The following CACNA1B variants were observed in gnomAD, a reference collection of about 807,000 sequenced individuals.
CACNA1B encodes the protein calcium voltage-gated channel subunit alpha1 B, also known as voltage-dependent N-type calcium channel subunit alpha-1B.
In CACNA1B, 70 loss-of-function variants were observed where a neutral mutation model predicts 247.2. The ratio of observed to expected loss-of-function variants is 0.28; its 90% CI spans 0.23 to 0.35. The LOEUF (loss-of-function observed/expected upper bound fraction) is 0.35, where lower values mean the gene tolerates loss of function less well. Ranked by LOEUF, CACNA1B falls within the 10% of genes least tolerant of loss-of-function variation. The probability of loss-of-function intolerance (pLI) is 1.00; values close to 1 mark genes in which losing one functional copy is unlikely to be tolerated. For synonymous variants in CACNA1B, 1,231 were observed against 1,294.4 expected (o/e 0.95, Z 1.05); for missense variants, 2,367 against 3,197.4 (o/e 0.74, Z 6.26).
intron 39 of CACNA1B, among the ~76,000 whole-genome samples, chr9:138,107,064 A>G (rs1961452174): frequency 6.6e-6 from 1 of 151,928 alleles, no homozygotes; most frequent in Admixed American, 6.6e-5. Context: ...GTGCCATGGA[A>G]TGTTCTCTCT....
chr9:137,903,574 A>G (rs12552643), intron 3 of CACNA1B, among the ~76,000 whole-genome samples: 15,068 of 152,072 alleles, frequency 0.099, 929 homozygotes, highest in Non-Finnish European at 0.14. Context: ...CGTTTTGCCT[A>G]CTTAGTTTTC....
chr9:137,886,499 ATCAT>A (rs1176218318), intron 3 of CACNA1B, among the ~76,000 whole-genome samples: 6 of 151,058 alleles, frequency 4.0e-5, no homozygotes, highest in Admixed American at 6.6e-5. Flanking sequence ...CCACCTGTTC[ATCAT>A]TCATTCATTC....
At position 137,950,998 on chromosome 9, in the gene CACNA1B, T is replaced by C. The variant is rs1957871496; in HGVS notation, c.967-1276T>C. Among the ~76,000 whole-genome samples, 1 of 152,146 alleles carries C rather than the reference T, an allele frequency of 6.6e-6. No individual in the cohort carries two copies. Among genetic ancestry groups the C allele is most frequent in the South Asian group, 2.1e-4 (1 of 4,820 alleles). Reference sequence around the variant, plus strand: ...GGAACACTCCACTGGGGAGGGAAATTGCGGGAGCCAAGTGCTTGAGCAGGT... The same window carrying C: ...GGAACACTCCACTGGGGAGGGAAATCGCGGGAGCCAAGTGCTTGAGCAGGT... On this transcript the variant is annotated intron_variant, in intron 6 of 46. Transcript: ENST00000371372. The surrounding 1 kb of genome is among the most constrained non-coding windows in gnomAD (Gnocchi z 4.8).
At position 137,882,968 on chromosome 9, in the gene CACNA1B, A is replaced by G. The variant is rs1956949189; in HGVS notation, c.530+85A>G. ...CTCAGTTGCGCCGTGGAGCTGGGGC[A>G]GCTGCAGTCCCCTCACTGGGGTCCC... is the stretch of plus-strand genomic sequence containing the variant. On this transcript the variant is annotated intron_variant, in intron 3 of 46. Transcript: ENST00000371372. This position sits in a 1 kb window ranked among gnomAD's most constrained non-coding sequence, Gnocchi z 4.0. 2.1e-6 allele frequency: 3 copies of G among 1,454,618 alleles called. No individual in the cohort carries two copies. Among genetic ancestry groups the G allele is most frequent in the South Asian group, 1.2e-5 (1 of 86,094 alleles). 90.1% of individuals were successfully genotyped at this position (1,454,618 alleles called of 1,614,324 possible).
intron 39 of CACNA1B, among the ~76,000 whole-genome samples, chr9:138,106,305 A>G (rs1351313133): frequency 6.6e-6 from 1 of 152,020 alleles, no homozygotes; most frequent in Non-Finnish European, 1.5e-5. Context: ...TTACAGCCCC[A>G]GAGGGCCCTG....
At chr9:137,942,967 A>AT (rs1377518875) in intron 6 of CACNA1B, among the ~76,000 whole-genome samples, 4 of 151,814 alleles carry the variant, frequency 2.6e-5, no homozygotes, top group African/African-American at 9.7e-5. Context: ...TATGGAAATA[A>AT]ATTTTTTTTT....
intron 36 of CACNA1B, among the ~76,000 whole-genome samples, chr9:138,082,567 A>G (rs1233650817): frequency 6.6e-6 from 1 of 151,404 alleles, no homozygotes; most frequent in East Asian, 2.0e-4. Context: ...AAGTCTGTTT[A>G]CACTTCCATT....
intron 10 of CACNA1B, among the ~76,000 whole-genome samples, chr9:137,968,062 A>C (rs1490916210): frequency 1.3e-5 from 2 of 151,662 alleles, no homozygotes; most frequent in African/African-American, 4.9e-5. Flanking sequence ...TCTCTCTTTT[A>C]GTTTTGTTTT....
intron 39 of CACNA1B, among the ~76,000 whole-genome samples, chr9:138,109,775 A>G (rs72770903): frequency 1.3e-3 from 199 of 152,344 alleles, no homozygotes; most frequent in Admixed American, 4.4e-3. Flanking sequence ...TGAAACCTGT[A>G]TAGAAAACAC....
intron 3 of CACNA1B, among the ~76,000 whole-genome samples, chr9:137,889,201 G>A (rs762747419): frequency 6.6e-6 from 1 of 150,426 alleles, no homozygotes; most frequent in African/African-American, 2.4e-5. Context: ...GACCGAGCTG[G>A]GTGTGTCCGT....
intron 10 of CACNA1B, among the ~76,000 whole-genome samples, chr9:137,961,254 T>C (rs1422689993): frequency 6.6e-6 from 1 of 152,230 alleles, no homozygotes; most frequent in Non-Finnish European, 1.5e-5. Flanking sequence ...TTTTGTATCC[T>C]GAGACTTAGC....
At chr9:137,905,323 A>C (rs544074382) in intron 3 of CACNA1B, among the ~76,000 whole-genome samples, 1 of 151,844 alleles carries the variant, frequency 6.6e-6, no homozygotes, top group South Asian at 2.1e-4. Flanking sequence ...ACTGCACTCC[A>C]GCCTGGGTGA....
intron 34 of CACNA1B, among the ~76,000 whole-genome samples, chr9:138,074,413 G>A (rs1273718953): frequency 3.3e-5 from 5 of 152,100 alleles, no homozygotes; most frequent in Non-Finnish European, 7.4e-5. Context: ...GCTAATTTTT[G>A]TATTTTTAGT....
Position 138,096,594 on chromosome 9 carries a change from A to G in CACNA1B, c.5205A>G (p.Glu1735=), listed in dbSNP as rs1961062890. Residue 1735 remains glutamate, a synonymous_variant, in exon 37 of 47, where the codon GAA becomes GAG. Transcript: ENST00000371372. ...ATGAGTTCATCCGGGTCTGGGCTGA[A>G]TACGACCCGGCTGCGTGGTAAGTGA... is the stretch of plus-strand genomic sequence containing the variant. ...HLDEFIRVWA[E]YDPAACGRIS... The G allele has an allele frequency of 6.2e-7, 1 of 1,612,218 alleles. No individual in the cohort carries two copies. The highest frequency in any genetic ancestry group is 8.5e-7 in the Non-Finnish European group (1 of 1,179,194).
At chr9:138,037,653 T>C (rs1342619342) in intron 20 of CACNA1B, among the ~76,000 whole-genome samples, 1 of 151,620 alleles carries the variant, frequency 6.6e-6, no homozygotes, top group African/African-American at 2.4e-5. Flanking sequence ...AGCGAGACTC[T>C]GTCTCAAAAA....
intron 32 of CACNA1B, among the ~76,000 whole-genome samples, chr9:138,070,205 G>T (rs1271085378): frequency 6.6e-6 from 1 of 152,192 alleles, no homozygotes; most frequent in Non-Finnish European, 1.5e-5. Flanking sequence ...AGAAGGCCCC[G>T]CTTTGCCCAG....
chr9:138,118,847 T>C, intron 44 of CACNA1B, 79 bp downstream of exon 44: 1 of 687,504 alleles, frequency 1.5e-6, no homozygotes, highest in South Asian at 1.6e-5. Flanking sequence ...CTGGGCCTCC[T>C]GCAGGTGAGG....
chr9:137,969,421 G>T (rs574465800), intron 10 of CACNA1B, among the ~76,000 whole-genome samples: 10 of 152,292 alleles, frequency 6.6e-5, no homozygotes, highest in Middle Eastern at 3.4e-3. Context: ...TGTGTGTGTG[G>T]GGGGCTGTGG....
At chr9:137,915,616 G>A (rs1421165491) in intron 5 of CACNA1B, among the ~76,000 whole-genome samples, 2 of 151,706 alleles carry the variant, frequency 1.3e-5, no homozygotes, top group Non-Finnish European at 2.9e-5. Context: ...TAGATCGTTC[G>A]TGATTTTAAA....
Sources: allele counts gnomAD v4.1 joint callset (sites outside exome capture counted in the v4.1 genomes callset), GRCh38; gene constraint gnomAD v4.1.1; non-coding constraint Gnocchi (gnomAD v3.1); transcripts MANE v1.5; gene names NCBI Gene and HGNC (gene_info 2026-07-23, HGNC 2026-07-21).